GRAMD4: variants seen among roughly 807,000 people sequenced by gnomAD.
GRAMD4 encodes GRAM domain-containing protein 4.
GRAMD4 carries 25 observed loss-of-function variants against 83.9 expected under a neutral mutation model. The ratio of observed to expected loss-of-function variants is 0.30; its 90% confidence interval spans 0.22 to 0.42. GRAMD4 has a LOEUF of 0.42. Ranked by LOEUF, GRAMD4 falls within the 10% of genes least tolerant of loss-of-function variation. The pLI, the probability that GRAMD4 is intolerant of heterozygous loss-of-function variation, is 1.00. For synonymous variants in GRAMD4, 336 were observed against 320.9 expected (o/e 1.05, Z -0.50); for missense variants, 593 against 788.7 (o/e 0.75, Z 2.97).
intron 2 of GRAMD4, among the ~76,000 whole-genome samples, chr22:46,632,164 GGAGGGGCCCTGGGTGGGCTT>G (rs1336756535): frequency 6.6e-6 from 1 of 152,256 alleles, no homozygotes; most frequent in Non-Finnish European, 1.5e-5. Context: ...GGGGAAGGTT[GGAGGGGCCCTGGGTGGGCTT>G]GAGGGGCCCA....
chr22:46,618,142 C>T (rs2081527910), upstream of GRAMD4, among the ~76,000 whole-genome samples: 1 of 152,090 alleles, frequency 6.6e-6, no homozygotes, highest in African/African-American at 2.4e-5. The surrounding 1 kb of genome is among the most constrained non-coding windows in gnomAD (Gnocchi z 5.8). Flanking sequence ...ACTCTCTGAA[C>T]AAGTGTTTGT....
chr22:46,640,820 C>G (rs112503868), intron 3 of GRAMD4, among the ~76,000 whole-genome samples: 1 of 145,484 alleles, frequency 6.9e-6, no homozygotes, highest in Non-Finnish European at 1.5e-5. Context: ...CCCCCTGCCC[C>G]GGCCCCCCGC....
upstream of GRAMD4, among the ~76,000 whole-genome samples, chr22:46,619,825 G>A (rs539708102): frequency 9.8e-3 from 1,487 of 152,316 alleles, 16 homozygotes; most frequent in Non-Finnish European, 0.013. Context: ...GGTGGGGGCT[G>A]GGGCCCACTG....
chr22:46,591,676 A>T (rs2081209126), intron 1 of GRAMD4, among the ~76,000 whole-genome samples: 1 of 151,934 alleles, frequency 6.6e-6, no homozygotes. Flanking sequence ...CTCTACTAAA[A>T]ATAAAAATTA....
chr22:46,618,405 G>A (rs2081531098), upstream of GRAMD4, among the ~76,000 whole-genome samples: 1 of 152,210 alleles, frequency 6.6e-6, no homozygotes, highest in African/African-American at 2.4e-5. This position sits in a 1 kb window ranked among gnomAD's most constrained non-coding sequence, Gnocchi z 5.8. Flanking sequence ...GCGGCGCCTA[G>A]GGAATGGGGC....
chr22:46,637,804 G>A, intron 2 of GRAMD4, 36 bp from the exon 3 acceptor site: 1 of 1,611,596 alleles, frequency 6.2e-7, no homozygotes, highest in Non-Finnish European at 8.5e-7. Context: ...GGGTGCCACA[G>A]GTGGCCCCTT....
At chr22:46,577,450 C>G (rs181995407) in intron 1 of GRAMD4, among the ~76,000 whole-genome samples, 2 of 146,246 alleles carry the variant, frequency 1.4e-5, no homozygotes, top group South Asian at 2.1e-4. Flanking sequence ...GAGCAGGGCC[C>G]TGCGCGGGCG....
At chr22:46,612,107 G>C (rs564458379) in intron 1 of GRAMD4, among the ~76,000 whole-genome samples, 1 of 52,456 alleles carries the variant, frequency 1.9e-5, no homozygotes, top group African/African-American at 4.4e-5. Flanking sequence ...GGTCTCAAGC[G>C]ACTCTCCTGC....
In GRAMD4 at chr22:46,614,608, G is replaced by A. The variant is rs951192330; in HGVS notation, c.-49-12143G>A. On this transcript the variant is annotated intron_variant, in intron 1 of 1. Coordinates refer to the GRAMD4 transcript ENST00000431155. ...TGGTGGTGGCTGCCAGGGGCCAACCGTGGAGACAGGATTTGAGCACAAATT... is the reference window on the plus strand; with the variant it reads ...TGGTGGTGGCTGCCAGGGGCCAACCATGGAGACAGGATTTGAGCACAAATT... Among the ~76,000 whole-genome samples the A allele has an allele frequency of 3.9e-5, 6 of 152,326 alleles. No homozygotes were observed. In the South Asian group the frequency reaches 1.0e-3, roughly 26 times the overall value.
rs538529601 is a variant in GRAMD4 at position 46,670,557 on chromosome 22, G to A, written c.1084+1649G>A. Among the ~76,000 whole-genome samples the A allele has an allele frequency of 6.0e-4, 91 of 152,280 alleles. 1 individual carries two copies. In the South Asian group the frequency reaches 0.012, roughly 20 times the overall value. On this transcript the variant is annotated intron_variant, in intron 13 of 18. Coordinates refer to ENST00000406902, the MANE Select transcript of GRAMD4 (RefSeq NM_015124.5). ...AGCTCCGGGGCAGGCCGCCCTCCAC[G>A]GGGAGCCTGGGGGTGTGCACCTGGG...
At chr22:46,598,689 A>G (rs2081284609) in intron 1 of GRAMD4, among the ~76,000 whole-genome samples, 1 of 151,908 alleles carries the variant, frequency 6.6e-6, no homozygotes, top group South Asian at 2.1e-4. Flanking sequence ...GAGGTCAGAC[A>G]GGGCCTGTGG....
chr22:46,666,083 G>A (rs1358722737), intron 9 of GRAMD4, among the ~76,000 whole-genome samples: 4 of 152,238 alleles, frequency 2.6e-5, no homozygotes, highest in Non-Finnish European at 4.4e-5. Context: ...AGCCTGCTGG[G>A]GAGGAGCTGG....
chr22:46,614,021 T>A (rs2081444303), intron 1 of GRAMD4, among the ~76,000 whole-genome samples: 1 of 152,168 alleles, frequency 6.6e-6, no homozygotes, highest in Non-Finnish European at 1.5e-5. Context: ...CTCACGCGGG[T>A]TCCCAGGAGC....
At chr22:46,639,460 C>T (rs377156098) in intron 3 of GRAMD4, among the ~76,000 whole-genome samples, 2 of 150,736 alleles carry the variant, frequency 1.3e-5, no homozygotes, top group Admixed American at 1.3e-4. Flanking sequence ...CAGTAGTTAA[C>T]CCTGTGAGTG....
chr22:46,674,737 T>TACGTC lies in GRAMD4; in HGVS notation c.1469_1473dup (p.Glu492SerfsTer24). 6.2e-7 allele frequency: 1 copy of TACGTC among 1,608,938 alleles called. No individual in the cohort carries two copies. The highest frequency in any genetic ancestry group is 8.5e-7 in the Non-Finnish European group (1 of 1,176,044). ...GGACTACATCAGGAACGGGGTGCTC[T>TACGTC]ACGTCACGGAGAAGTGAGTGCAGCC... On this transcript the variant is annotated frameshift_variant, in exon 16 of 19. Coordinates refer to ENST00000406902, the MANE Select transcript of GRAMD4 (RefSeq NM_015124.5). LOFTEE classifies it high-confidence loss of function.
At chr22:46,624,858 ATTT>A (rs138482) in intron 1 of GRAMD4, among the ~76,000 whole-genome samples, 12 of 116,672 alleles carry the variant, frequency 1.0e-4, no homozygotes, top group Admixed American at 3.4e-4. Flanking sequence ...GTCCTGTGGG[ATTT>A]TTTTTTTTTT....
rs760788279 is a variant in GRAMD4, at chr22:46,675,495, T to G, written c.1506T>G (p.Ser502=). Residue 502 remains serine, a synonymous_variant, in exon 17 of 19, where the codon TCT becomes TCG. Transcript: ENST00000406902. The part of the protein sequence containing the change: ...ENYLCFESSK[S]GSSKRNKVIK... ...ACTTGTGCTTCGAAAGCTCCAAATC[T>G]GGGTCCTCAAAGAGGAACAAAGTCA... The G allele has an allele frequency of 6.2e-6, 10 of 1,613,284 alleles. No individual in the cohort carries two copies. The African/African-American group carries it at 1.3e-4, about 22-fold the overall frequency.
chr22:46,652,086 G>T (rs1381077094), intron 3 of GRAMD4, among the ~76,000 whole-genome samples: 1 of 152,220 alleles, frequency 6.6e-6, no homozygotes. Context: ...TGGCCCCACA[G>T]AGTGTCCATG....
At chr22:46,582,182 A>C (rs1481984302) in intron 1 of GRAMD4, among the ~76,000 whole-genome samples, 1 of 152,152 alleles carries the variant, frequency 6.6e-6, no homozygotes, top group Non-Finnish European at 1.5e-5. Flanking sequence ...CCAAGGAGGC[A>C]GAGCGTGGGG....
Sources: allele counts gnomAD v4.1 joint callset (sites outside exome capture counted in the v4.1 genomes callset), GRCh38; gene constraint gnomAD v4.1.1; non-coding constraint Gnocchi (gnomAD v3.1); transcripts MANE v1.5; gene names NCBI Gene and HGNC (gene_info 2026-07-23, HGNC 2026-07-21).